The following TOP1 variants were observed in gnomAD, a reference collection of about 807,000 sequenced individuals.
TOP1 encodes the protein DNA topoisomerase I.
TOP1 carries 10 observed loss-of-function variants against 111.1 expected under a neutral mutation model. That is an observed-to-expected ratio of 0.09 (90% CI 0.06 to 0.15). The LOEUF is 0.15. TOP1 is among the 10% of genes least tolerant of loss of function. The pLI, the probability that TOP1 is intolerant of heterozygous loss-of-function variation, is 1.00. For missense variants in TOP1, 474 were observed against 926.7 expected (o/e 0.51, Z 6.34); for synonymous variants, 271 against 302.9 (o/e 0.89, Z 1.10).
At chr20:41,075,424 G>A (rs953632722) in intron 3 of TOP1, among the ~76,000 whole-genome samples, 1 of 152,182 alleles carries the variant, frequency 6.6e-6, no homozygotes, top group South Asian at 2.1e-4. Flanking sequence ...GCCTGCCTCG[G>A]CCTTCCAAAG....
rs1270935949 is a variant in TOP1 at position 41,082,488 on chromosome 20, C to A, written c.507+1248C>A. Among the ~76,000 whole-genome samples the A allele has an allele frequency of 1.3e-5, 2 of 152,210 alleles. No individual in the cohort carries two copies. The highest frequency in any genetic ancestry group is 4.8e-5 in the African/African-American group (2 of 41,450). ...AAGCCAGCATTTGATCCCATGCAGT[C>A]TGACTTCAGTGCCAGCACACCAGCT... On this transcript the variant is annotated intron_variant, in intron 7 of 20. Transcript: ENST00000361337. The surrounding 1 kb of genome is among the most constrained non-coding windows in gnomAD (Gnocchi z 4.1).
At position 41,100,317 on chromosome 20, in the gene TOP1, C is replaced by G; in HGVS notation, c.1163+74C>G. 8.0e-7 allele frequency: 1 copy of G among 1,249,658 alleles called. No individual in the cohort carries two copies. The highest frequency in any genetic ancestry group is 2.4e-5 in the East Asian group (1 of 42,184). 77.4% of individuals were successfully genotyped at this position (1,249,658 alleles called of 1,614,324 possible). A position where few individuals can be genotyped will look rare whatever the true frequency, so the allele number is the denominator to read the frequency against. ...CTTTATTGTACTTGGGAATATTTCC[C>G]AGGTTACACAGGACTGTTTGGGAAG... On this transcript the variant is annotated intron_variant, in intron 12 of 20. Coordinates refer to ENST00000361337, the MANE Select transcript of TOP1 (RefSeq NM_003286.4). This position sits in a 1 kb window ranked among gnomAD's most constrained non-coding sequence, Gnocchi z 4.4.
rs186511212 is a variant in TOP1, at chr20:41,110,270, C to G, written c.1309-2512C>G. ...ACTGTACTCCAGCCTGGTGACAGAG[C>G]GAGACGCTGTCTCAGAGGGAAAAAA... On this transcript the variant is annotated intron_variant, in intron 13 of 20. Coordinates refer to ENST00000361337, the MANE Select transcript of TOP1 (RefSeq NM_003286.4). The surrounding 1 kb of genome is among the most constrained non-coding windows in gnomAD (Gnocchi z 4.2). Among the ~76,000 whole-genome samples, 21 of 151,700 alleles carry G rather than the reference C, an allele frequency of 1.4e-4. No homozygotes were observed. Among genetic ancestry groups the G allele is most frequent in the East Asian group, 1.2e-3 (6 of 5,166 alleles).
At chr20:41,084,116 A>G (rs1394258671) in intron 7 of TOP1, among the ~76,000 whole-genome samples, 1 of 152,186 alleles carries the variant, frequency 6.6e-6, no homozygotes, top group Non-Finnish European at 1.5e-5. Context: ...AAAGATGAGT[A>G]GGATTAAACA....
rs995126985 is a variant in TOP1 at position 41,082,527 on chromosome 20, A to G, written c.507+1287A>G. ...AGCACACCAGCTACTATATTATCCT[A>G]CCTCCCCTGGGACTTTGCTGATGCT... is the stretch of plus-strand genomic sequence containing the variant. On this transcript the variant is annotated intron_variant, in intron 7 of 20. Transcript: ENST00000361337. The surrounding 1 kb of genome is among the most constrained non-coding windows in gnomAD (Gnocchi z 4.1). Among the ~76,000 whole-genome samples, 5 of 152,042 alleles carry G rather than the reference A, an allele frequency of 3.3e-5. No homozygotes were observed. Among genetic ancestry groups the G allele is most frequent in the African/African-American group, 9.7e-5 (4 of 41,374 alleles).
rs562771747 is a variant in TOP1, at chr20:41,089,519, C to A, written c.615-2953C>A. Among the ~76,000 whole-genome samples the A allele has an allele frequency of 7.2e-5, 11 of 152,312 alleles. No individual in the cohort carries two copies. In the East Asian group the frequency reaches 1.7e-3, roughly 24 times the overall value. On this transcript the variant is annotated intron_variant, in intron 8 of 20. Coordinates refer to ENST00000361337, the MANE Select transcript of TOP1 (RefSeq NM_003286.4). ...TGACTTTTAAAGGCTAAATAATATTCCATTGTTTGTCCTGCATTTTGTTTA... is the reference window on the plus strand; with the variant it reads ...TGACTTTTAAAGGCTAAATAATATTACATTGTTTGTCCTGCATTTTGTTTA...
intron 18 of TOP1, among the ~76,000 whole-genome samples, chr20:41,120,531 A>C (rs1254424717): frequency 2.0e-5 from 3 of 152,212 alleles, no homozygotes; most frequent in Admixed American, 2.0e-4. Flanking sequence ...CCATGTTGTT[A>C]TCCACTGCTG....
intron 2 of TOP1, among the ~76,000 whole-genome samples, chr20:41,035,064 A>G (rs1288641195): frequency 1.3e-5 from 2 of 151,882 alleles, no homozygotes; most frequent in African/African-American, 2.4e-5. Context: ...TAATTTTTGC[A>G]TTTTTTGTAG....
At position 41,112,498 on chromosome 20, in the gene TOP1, A is replaced by T. The variant is rs1219742081; in HGVS notation, c.1309-284A>T. Reference sequence around the variant, plus strand: ...ACAATGTGCATTCTTAACAGGTTAAATGTGCCAAACTCTCTCTTCAGTACT... The same window carrying T: ...ACAATGTGCATTCTTAACAGGTTAATTGTGCCAAACTCTCTCTTCAGTACT... On this transcript the variant is annotated intron_variant, in intron 13 of 20. Transcript: ENST00000361337. The surrounding 1 kb of genome is among the most constrained non-coding windows in gnomAD (Gnocchi z 5.8). 6.6e-6 allele frequency among the ~76,000 whole-genome samples: 1 copy of T among 152,218 alleles called. No homozygotes were observed. The highest frequency in any genetic ancestry group is 1.5e-5 in the Non-Finnish European group (1 of 68,032).
chr20:41,084,898 T>C (rs2033829447), intron 8 of TOP1, among the ~76,000 whole-genome samples: 1 of 152,180 alleles, frequency 6.6e-6, no homozygotes, highest in Admixed American at 6.5e-5. Context: ...GTAAGTCGTG[T>C]TGGGAAAACT....
At chr20:41,036,239 G>A (rs77757343) in intron 2 of TOP1, among the ~76,000 whole-genome samples, 20 of 152,280 alleles carry the variant, frequency 1.3e-4, no homozygotes, top group African/African-American at 4.3e-4. Context: ...TAGTACAGAT[G>A]TCAGAACCTG....
At chr20:41,081,265 T>TG (rs2033785325) in intron 7 of TOP1, 25 bp downstream of exon 7, 1 of 1,581,686 alleles carries the variant, frequency 6.3e-7, no homozygotes, top group African/African-American at 1.4e-5. Context: ...TTAGGTCCTT[T>TG]GGGGCTTGAG....
intron 2 of TOP1, among the ~76,000 whole-genome samples, chr20:41,044,208 G>A (rs376484228): frequency 5.3e-5 from 8 of 152,114 alleles, no homozygotes; most frequent in East Asian, 3.9e-4. Flanking sequence ...CCCTGGAGGC[G>A]GAGGTTGCAG....
Position 41,079,587 on chromosome 20 carries a change from T to C in TOP1, c.336-498T>C, listed in dbSNP as rs1252364298. On this transcript the variant is annotated intron_variant, in intron 5 of 20. Transcript: ENST00000361337. This position sits in a 1 kb window ranked among gnomAD's most constrained non-coding sequence, Gnocchi z 4.0. Reference sequence around the variant, plus strand: ...TGTTGTCAGCTTGGTTATTTTTCCATGTAGCTAGATATACATGTACGTTAT... The same window carrying C: ...TGTTGTCAGCTTGGTTATTTTTCCACGTAGCTAGATATACATGTACGTTAT... Among the ~76,000 whole-genome samples the C allele has an allele frequency of 1.3e-5, 2 of 152,224 alleles. No homozygotes were observed. Among genetic ancestry groups the C allele is most frequent in the Non-Finnish European group, 2.9e-5 (2 of 68,040 alleles).
chr20:41,092,830 C>G lies in TOP1; in HGVS notation c.730+243C>G, dbSNP rs146780110. Among the ~76,000 whole-genome samples the G allele has an allele frequency of 1.3e-5, 2 of 152,286 alleles. No homozygotes were observed. The highest frequency in any genetic ancestry group is 4.8e-5 in the African/African-American group (2 of 41,562). On this transcript the variant is annotated intron_variant, in intron 9 of 20. Coordinates refer to ENST00000361337, the MANE Select transcript of TOP1 (RefSeq NM_003286.4). This position sits in a 1 kb window ranked among gnomAD's most constrained non-coding sequence, Gnocchi z 4.3. ...CCTACATAGTCCAAAAAAGGTTTGTCAACATGGCTAACAGTGTGTGGTCCA... is the reference window on the plus strand; with the variant it reads ...CCTACATAGTCCAAAAAAGGTTTGTGAACATGGCTAACAGTGTGTGGTCCA...
chr20:41,111,226 T>A (rs199773461), intron 13 of TOP1, among the ~76,000 whole-genome samples: 1 of 152,334 alleles, frequency 6.6e-6, no homozygotes, highest in East Asian at 1.9e-4. Flanking sequence ...TGTCCAATTT[T>A]TCCGTGCATG....
At chr20:41,051,766 G>C (rs767278870) in intron 2 of TOP1, among the ~76,000 whole-genome samples, 1 of 151,934 alleles carries the variant, frequency 6.6e-6, no homozygotes, top group Non-Finnish European at 1.5e-5. Context: ...CTCAGTTGTT[G>C]GCTCGGTGGG....
At chr20:41,087,211 T>C (rs2033859847) in intron 8 of TOP1, among the ~76,000 whole-genome samples, 1 of 152,246 alleles carries the variant, frequency 6.6e-6, no homozygotes, top group Admixed American at 6.5e-5. Context: ...GTTTCTTTGC[T>C]ATATCACGTT....
At chr20:41,088,609 G>C (rs1234092555) in intron 8 of TOP1, among the ~76,000 whole-genome samples, 1 of 152,120 alleles carries the variant, frequency 6.6e-6, no homozygotes, top group Non-Finnish European at 1.5e-5. Flanking sequence ...CGGTTACTCT[G>C]TGACTGCTGC....
Sources: gnomAD v4.1 joint callset for allele counts (sites outside exome capture counted in the v4.1 genomes callset) on GRCh38, gnomAD v4.1.1 for gene constraint, Gnocchi (gnomAD v3.1) non-coding constraint, MANE v1.5 for transcripts, NCBI Gene and HGNC (gene_info 2026-07-23, HGNC 2026-07-21) for gene names.